The following CSMD2 variants were observed in gnomAD, a reference collection of about 807,000 sequenced individuals.
The protein encoded by CSMD2 is CUB and Sushi multiple domains 2, also known as CUB and sushi domain-containing protein 2.
Under a neutral mutation model 398.5 loss-of-function variants are expected in CSMD2, and 130 were observed. The observed-to-expected ratio is 0.33, with a 90% CI of 0.28 to 0.38. The LOEUF (loss-of-function observed/expected upper bound fraction) is 0.38, where lower values mean the gene tolerates loss of function less well. Among genes scored for constraint, CSMD2 ranks in the 10% least tolerant of loss-of-function variants. The pLI is 1.00. For missense variants in CSMD2, 3,829 were observed against 4,764.9 expected, an observed-to-expected ratio of 0.80 and a Z score of 5.78; for synonymous variants, 1,828 against 1,908.5, an observed-to-expected ratio of 0.96 and a Z score of 1.10.
At chr1:33,994,979 G>A (rs1273938461) in intron 3 of CSMD2, among the ~76,000 whole-genome samples, 4 of 151,588 alleles carry the variant, frequency 2.6e-5, no homozygotes, top group African/African-American at 9.7e-5. Context: ...CAGAAGAATC[G>A]CTTGAACCAG....
chr1:33,700,863 T>C (rs535676419), intron 22 of CSMD2, among the ~76,000 whole-genome samples, 190 bp from the exon 23 acceptor site: 2 of 152,350 alleles, frequency 1.3e-5, no homozygotes, highest in East Asian at 1.9e-4. Context: ...TCGTTTTCCC[T>C]TGATGTCAGT....
At chr1:33,628,953 A>C (rs1642298489) in intron 32 of CSMD2, among the ~76,000 whole-genome samples, 1 of 152,132 alleles carries the variant, frequency 6.6e-6, no homozygotes, top group Non-Finnish European at 1.5e-5. Flanking sequence ...TGAAAGATAA[A>C]GTTTGACCCG....
At chr1:33,540,831 C>T (rs1203952526) in intron 59 of CSMD2, 133 bp from the exon 60 acceptor site, 10 of 986,846 alleles carry the variant, frequency 1.0e-5, no homozygotes, top group Non-Finnish European at 1.5e-5. Flanking sequence ...AGAATGGGGC[C>T]CTCTTACTGT....
At chr1:33,699,290 G>A (rs999778493) in intron 23 of CSMD2, among the ~76,000 whole-genome samples, 1 of 152,176 alleles carries the variant, frequency 6.6e-6, no homozygotes, top group Admixed American at 6.5e-5. Context: ...GTGTAATATG[G>A]AGAAGTCACT....
At chr1:33,952,219 A>G (rs760243150) in intron 3 of CSMD2, among the ~76,000 whole-genome samples, 1 of 152,236 alleles carries the variant, frequency 6.6e-6, no homozygotes, top group Non-Finnish European at 1.5e-5. Context: ...AGATAGCTAA[A>G]GCCAGAACAG....
intron 13 of CSMD2, among the ~76,000 whole-genome samples, chr1:33,756,093 G>C (rs1648973564): frequency 6.6e-6 from 1 of 152,084 alleles, no homozygotes; most frequent in Non-Finnish European, 1.5e-5. Context: ...ACCGTCCCTT[G>C]GCAGTCATTT....
At chr1:33,970,127 GA>G (rs764462555) in intron 3 of CSMD2, among the ~76,000 whole-genome samples, 206 of 148,988 alleles carry the variant, frequency 1.4e-3, no homozygotes, top group Non-Finnish European at 1.8e-3. Context: ...AAAAAGAAAA[GA>G]AAAGGCAGAA....
At chr1:34,103,046 T>C (rs984992850) in intron 1 of CSMD2, among the ~76,000 whole-genome samples, 2 of 152,184 alleles carry the variant, frequency 1.3e-5, no homozygotes, top group Non-Finnish European at 2.9e-5. Flanking sequence ...GTTGGTTGAA[T>C]GAATGAATAA....
chr1:34,033,337 G>A (rs4350173), intron 2 of CSMD2, among the ~76,000 whole-genome samples: 15,475 of 152,206 alleles, frequency 0.1, 874 homozygotes, highest in East Asian at 0.2. Context: ...CAAACTGTGC[G>A]TGCTATTAAA....
At chr1:34,138,208 G>A (rs1406290561) in intron 1 of CSMD2, among the ~76,000 whole-genome samples, 1 of 152,086 alleles carries the variant, frequency 6.6e-6, no homozygotes, top group Non-Finnish European at 1.5e-5. Flanking sequence ...CACATACTAT[G>A]GTTAAGCAGG....
chr1:33,768,239 G>A (rs1650776893), intron 13 of CSMD2, among the ~76,000 whole-genome samples: 1 of 152,040 alleles, frequency 6.6e-6, no homozygotes. Context: ...ACAAAACTAA[G>A]TTATCCTAGA....
intron 43 of CSMD2, 119 bp from the exon 44 acceptor site, chr1:33,601,129 C>T: frequency 7.6e-7 from 1 of 1,308,564 alleles, no homozygotes; most frequent in Non-Finnish European, 1.1e-6. Context: ...CTTTTTGTAC[C>T]AACACTTCCC....
At chr1:34,016,449 C>G (rs1055943206) in intron 3 of CSMD2, among the ~76,000 whole-genome samples, 8 of 152,074 alleles carry the variant, frequency 5.3e-5, no homozygotes, top group African/African-American at 1.9e-4. Flanking sequence ...TGATGGATTC[C>G]AGCTTCATCC....
At chr1:34,072,088 A>T (rs2148300035) in intron 2 of CSMD2, among the ~76,000 whole-genome samples, 1 of 152,336 alleles carries the variant, frequency 6.6e-6, no homozygotes, top group Admixed American at 6.5e-5. Flanking sequence ...TTGGCACCAC[A>T]TCTTGTGACA....
intron 44 of CSMD2, chr1:33,591,990 T>G: frequency 4.7e-6 from 1 of 211,804 alleles, no homozygotes; most frequent in Non-Finnish European, 9.6e-6. Flanking sequence ...AATATCTTCA[T>G]GCACATATCT....
chr1:33,681,143 C>T (rs914748402), intron 25 of CSMD2, among the ~76,000 whole-genome samples: 3 of 151,948 alleles, frequency 2.0e-5, no homozygotes, highest in East Asian at 1.9e-4. Context: ...ATGCTGGTCT[C>T]GAACTCCTGG....
intron 10 of CSMD2, among the ~76,000 whole-genome samples, chr1:33,798,515 G>A (rs979531232): frequency 4.6e-5 from 7 of 152,242 alleles, no homozygotes; most frequent in African/African-American, 1.7e-4. Context: ...GGAGAAGGGT[G>A]TGTGTGGGCT....
chr1:33,750,183 G>T (rs957618071), intron 13 of CSMD2, among the ~76,000 whole-genome samples: 4 of 151,854 alleles, frequency 2.6e-5, no homozygotes, highest in Non-Finnish European at 2.9e-5. Context: ...CTAAATCATG[G>T]TACAAATTTA....
At chr1:33,944,221 C>T (rs1478447584) in intron 3 of CSMD2, among the ~76,000 whole-genome samples, 1 of 150,634 alleles carries the variant, frequency 6.6e-6, no homozygotes, top group Non-Finnish European at 1.5e-5. Flanking sequence ...TGATTCATAT[C>T]TCAGGAACGC....
Sources: gnomAD v4.1 joint callset for allele counts (sites outside exome capture counted in the v4.1 genomes callset) on GRCh38, gnomAD v4.1.1 for gene constraint, MANE v1.5 for transcripts, NCBI Gene and HGNC (gene_info 2026-07-23, HGNC 2026-07-21) for gene names.